Variants in MECOM observed in about 807,000 individuals in gnomAD.
MECOM encodes the protein histone-lysine N-methyltransferase MECOM.
Under a neutral mutation model 116.3 loss-of-function variants are expected in MECOM, and 13 were observed. The observed-to-expected ratio is 0.11, with a 90% CI of 0.07 to 0.18. The LOEUF (loss-of-function observed/expected upper bound fraction) is 0.18. Among genes scored for constraint, MECOM ranks in the 10% least tolerant of loss-of-function variants. The pLI is 1.00. For missense variants in MECOM, 1,299 were observed against 1,509.0 expected (o/e 0.86, Z 2.31); for synonymous variants, 528 against 535.2 (o/e 0.99, Z 0.19).
chr3:169,486,855 C>G (rs1302130082), intron 1 of MECOM, among the ~76,000 whole-genome samples: 1 of 152,040 alleles, frequency 6.6e-6, no homozygotes, highest in Non-Finnish European at 1.5e-5. Context: ...CAAGCAAATA[C>G]TCTTTTAGGA....
At chr3:169,471,404 C>T in intron 1 of MECOM, among the ~76,000 whole-genome samples, 1 of 151,892 alleles carries the variant, frequency 6.6e-6, no homozygotes, top group East Asian at 1.9e-4. Flanking sequence ...AGACACCTAT[C>T]CTGTGTAACT....
At chr3:169,556,271 C>G (rs1336491354) in intron 1 of MECOM, among the ~76,000 whole-genome samples, 1 of 152,164 alleles carries the variant, frequency 6.6e-6, no homozygotes, top group Admixed American at 6.5e-5. Flanking sequence ...CACTGAATGA[C>G]TTTATTTCCT....
intron 16 of MECOM, chr3:169,086,451 G>C: frequency 1.6e-6 from 1 of 645,056 alleles, no homozygotes. Flanking sequence ...AGATAAAAAG[G>C]AGTACAAAGA....
intron 1 of MECOM, among the ~76,000 whole-genome samples, chr3:169,477,445 T>G (rs1750659812): frequency 6.6e-6 from 1 of 151,952 alleles, no homozygotes; most frequent in Non-Finnish European, 1.5e-5. Context: ...AAAAGAGAAT[T>G]TTTTTCTGAG....
chr3:169,606,072 A>G (rs1417691912), intron 1 of MECOM, among the ~76,000 whole-genome samples: 1 of 152,206 alleles, frequency 6.6e-6, no homozygotes, highest in Non-Finnish European at 1.5e-5. Flanking sequence ...CAGATGCCTT[A>G]TGGTTAATAT....
rs370700741 is a variant in MECOM at position 169,231,088 on chromosome 3, C to T, written c.376-87256G>A. 2.0e-4 allele frequency among the ~76,000 whole-genome samples: 31 copies of T among 152,172 alleles called. No homozygotes were observed. In the East Asian group the frequency reaches 2.5e-3, roughly 12 times the overall value. On this transcript the variant is annotated intron_variant, in intron 2 of 16. Coordinates refer to ENST00000651503, the MANE Select transcript of MECOM (RefSeq NM_004991.4). ...TTCTTGGTGGAAATAAAATCTTTGA[C>T]AATTCTGGATGTTATTGCATCTATA... is the stretch of plus-strand genomic sequence containing the variant.
At chr3:169,243,671 C>T (rs1755177631) in intron 2 of MECOM, among the ~76,000 whole-genome samples, 2 of 152,048 alleles carry the variant, frequency 1.3e-5, no homozygotes, top group Non-Finnish European at 2.9e-5. Context: ...AAAAATAGAG[C>T]GTTTGAGTCC....
chr3:169,378,564 AAG>A (rs1291496872), intron 2 of MECOM, among the ~76,000 whole-genome samples: 2 of 137,310 alleles, frequency 1.5e-5, no homozygotes, highest in East Asian at 2.1e-4. Flanking sequence ...GAAAGAAAGA[AAG>A]AAAGAAAGAA....
intron 1 of MECOM, among the ~76,000 whole-genome samples, chr3:169,490,759 G>A (rs76021374): frequency 2.6e-5 from 4 of 152,076 alleles, no homozygotes; most frequent in African/African-American, 9.7e-5. Flanking sequence ...AAGGAGGGGT[G>A]GGCCTTTATC....
chr3:169,197,594 G>C (rs1748604106), intron 2 of MECOM, among the ~76,000 whole-genome samples: 3 of 151,886 alleles, frequency 2.0e-5, no homozygotes, highest in East Asian at 1.9e-4. Context: ...ATCCATTTTA[G>C]AGTCACAAGA....
intron 1 of MECOM, among the ~76,000 whole-genome samples, chr3:169,403,045 G>A (rs1736139304): frequency 6.6e-6 from 1 of 152,206 alleles, no homozygotes; most frequent in Non-Finnish European, 1.5e-5. Flanking sequence ...GTCAAGAAAA[G>A]TAATTTGTTA....
intron 1 of MECOM, among the ~76,000 whole-genome samples, chr3:169,637,643 C>T (rs993985091): frequency 1.6e-4 from 24 of 152,158 alleles, no homozygotes; most frequent in African/African-American, 4.8e-4. Flanking sequence ...TAAAATCTTA[C>T]GTAACTGCAA....
intron 2 of MECOM, among the ~76,000 whole-genome samples, chr3:169,148,201 G>A (rs1432031016): frequency 6.6e-6 from 1 of 152,062 alleles, no homozygotes; most frequent in Non-Finnish European, 1.5e-5. Context: ...AGAGATTGAT[G>A]ACTGTCTGGT....
intron 2 of MECOM, chr3:169,147,415 A>T: frequency 1.0e-6 from 1 of 985,466 alleles, no homozygotes. Context: ...TCGGCCATCC[A>T]GAAAGAACCC....
At chr3:169,560,186 T>G (rs1762484894) in intron 1 of MECOM, among the ~76,000 whole-genome samples, 1 of 152,206 alleles carries the variant, frequency 6.6e-6, no homozygotes, top group Non-Finnish European at 1.5e-5. Context: ...TTATTTATAA[T>G]TATTAAGCTT....
intron 1 of MECOM, among the ~76,000 whole-genome samples, chr3:169,503,914 G>A (rs1038568226): frequency 6.6e-6 from 1 of 152,134 alleles, no homozygotes; most frequent in African/African-American, 2.4e-5. Flanking sequence ...AGGCATGCTA[G>A]TGAATATCGT....
intron 1 of MECOM, among the ~76,000 whole-genome samples, chr3:169,662,993 C>T (rs1776516963): frequency 7.2e-6 from 1 of 138,918 alleles, no homozygotes; most frequent in African/African-American, 2.7e-5. Flanking sequence ...CTTCTCTTCC[C>T]CCCCACCCCA....
At chr3:169,457,584 T>C (rs1156405714) in intron 1 of MECOM, among the ~76,000 whole-genome samples, 1 of 152,150 alleles carries the variant, frequency 6.6e-6, no homozygotes, top group African/African-American at 2.4e-5. Flanking sequence ...AAGAAAAAAA[T>C]GAACCACAAT....
intron 2 of MECOM, among the ~76,000 whole-genome samples, chr3:169,359,292 A>C (rs1727805485): frequency 6.6e-6 from 1 of 151,776 alleles, no homozygotes; most frequent in Admixed American, 6.6e-5. Context: ...CTCTTCAACT[A>C]TACTTTACAA....
Sources: allele counts gnomAD v4.1 joint callset (sites outside exome capture counted in the v4.1 genomes callset), GRCh38; gene constraint gnomAD v4.1.1; transcripts MANE v1.5; gene names NCBI Gene and HGNC (gene_info 2026-07-23, HGNC 2026-07-21).